The following ELMOD2 variants were observed in gnomAD, a reference collection of about 807,000 sequenced individuals.
ELMOD2 encodes ELMO domain containing 2.
ELMOD2 carries 28 observed loss-of-function variants against 41.0 expected under a neutral mutation model. That is an observed-to-expected ratio of 0.68 (90% CI 0.51 to 0.94). The LOEUF is 0.94. Among genes scored for constraint, ELMOD2 ranks in the 40% least tolerant of loss-of-function variants. ELMOD2 has a pLI of 0.00. For missense variants in ELMOD2, 333 were observed against 343.1 expected, an observed-to-expected ratio of 0.97 and a Z score of 0.23; for synonymous variants, 106 against 107.2, an observed-to-expected ratio of 0.99 and a Z score of 0.07.
intron 3 of ELMOD2, 99 bp from the exon 4 acceptor site, chr4:140,535,634 T>G (rs895631226): frequency 2.6e-6 from 3 of 1,145,342 alleles, no homozygotes; most frequent in Non-Finnish European, 3.8e-6. Flanking sequence ...TATTTTGCAT[T>G]TTTAATATCT....
intron 3 of ELMOD2, among the ~76,000 whole-genome samples, chr4:140,533,039 C>G (rs1020749275): frequency 6.6e-6 from 1 of 152,122 alleles, no homozygotes; most frequent in Non-Finnish European, 1.5e-5. Context: ...ATGAAAGATG[C>G]ATAAGACTTC....
Position 140,540,164 on chromosome 4 carries a change from A to T in ELMOD2, c.400-4A>T. 6.2e-7 allele frequency: 1 copy of T among 1,612,668 alleles called. No homozygotes were observed. The highest frequency in any genetic ancestry group is 8.5e-7 in the Non-Finnish European group (1 of 1,179,496). On this transcript the variant is annotated splice_region_variant and splice_polypyrimidine_tract_variant and intron_variant, in intron 5 of 8. Coordinates refer to ENST00000323570, the MANE Select transcript of ELMOD2 (RefSeq NM_153702.4). ...GTCTTAATAATGGAAATATATTTGT[A>T]CAGCTTTGGAATCTTCTAATGCCCA...
chr4:140,549,320 G>T (rs1177634086), intron 8 of ELMOD2, among the ~76,000 whole-genome samples: 1 of 151,208 alleles, frequency 6.6e-6, no homozygotes, highest in Non-Finnish European at 1.5e-5. Context: ...ATATTTTGAT[G>T]TTGGGTGGTT....
intron 8 of ELMOD2, among the ~76,000 whole-genome samples, chr4:140,545,837 C>G (rs1472128972): frequency 1.3e-5 from 2 of 152,078 alleles, no homozygotes; most frequent in Non-Finnish European, 2.9e-5. Context: ...CAGGAAACAA[C>G]AAGTGCTGGA....
intron 6 of ELMOD2, among the ~76,000 whole-genome samples, chr4:140,540,773 A>G (rs1735081490): frequency 1.3e-5 from 2 of 151,956 alleles, no homozygotes; most frequent in East Asian, 3.9e-4. Context: ...CATTGGTGGA[A>G]ATATAATTGT....
chr4:140,524,487 C>T (rs1467891025), intron 1 of ELMOD2: 7 of 614,008 alleles, frequency 1.1e-5, no homozygotes, highest in Admixed American at 6.3e-5. Context: ...TGCTCAGGCG[C>T]CGCTACGCGT....
At chr4:140,545,633 T>G (rs893678838) in intron 8 of ELMOD2, among the ~76,000 whole-genome samples, 1 of 152,248 alleles carries the variant, frequency 6.6e-6, no homozygotes, top group Middle Eastern at 3.4e-3. Flanking sequence ...TCTACCCAAG[T>G]GTACTGAAGA....
chr4:140,542,029 AATAG>A (rs1422776007), intron 6 of ELMOD2, among the ~76,000 whole-genome samples: 13 of 152,162 alleles, frequency 8.5e-5, no homozygotes, highest in Non-Finnish European at 1.6e-4. Flanking sequence ...TGTGCCTACA[AATAG>A]ATAGTTTCAT....
chr4:140,537,566 G>T (rs756008600), intron 5 of ELMOD2, 25 bp downstream of exon 5: 1 of 1,596,080 alleles, frequency 6.3e-7, no homozygotes, highest in Admixed American at 1.7e-5. Flanking sequence ...TCTTTATGTG[G>T]AGTTGTTGAA....
intron 6 of ELMOD2, among the ~76,000 whole-genome samples, chr4:140,542,213 G>T (rs187063256): frequency 1.1e-4 from 17 of 151,468 alleles, no homozygotes; most frequent in Admixed American, 3.3e-4. Flanking sequence ...ATGAACCTAA[G>T]TGTAAGGAAG....
Position 140,525,473 on chromosome 4 carries a change from A to T in ELMOD2, c.45A>T (p.Arg15=), listed in dbSNP as rs1053923229. The T allele has an allele frequency of 1.5e-5, 25 of 1,613,474 alleles. No individual in the cohort carries two copies. The highest frequency in any genetic ancestry group is 2.1e-5 in the Non-Finnish European group (25 of 1,179,774). ...LWEFFYGHFF[R]FWMKWLLRQM... is the part of the protein sequence containing the mutation. ...AGTTCTTCTATGGGCACTTTTTTCG[A>T]TTTTGGATGAAATGGCTATTACGAC... Residue 15 remains arginine (R), a synonymous_variant, in exon 2 of 9, where the codon CGA becomes CGT. Transcript: ENST00000323570.
intron 8 of ELMOD2, among the ~76,000 whole-genome samples, chr4:140,547,436 T>G (rs540982287): frequency 1.3e-5 from 2 of 152,262 alleles, no homozygotes; most frequent in Admixed American, 6.5e-5. Flanking sequence ...CTCAGGATTT[T>G]GGGACCTCTG....
At position 140,540,251 on chromosome 4, in the gene ELMOD2, T is replaced by A; in HGVS notation, c.483T>A (p.Asp161Glu). ...CTGAAATTGGTTTTCAGGGTGATGATCCCAAGACAGACTTCAGAGGCATGG... is the reference window on the plus strand; with the variant it reads ...CTGAAATTGGTTTTCAGGGTGATGAACCCAAGACAGACTTCAGAGGCATGG... The part of the protein sequence containing the change: ...QWAEIGFQGD[D>E]PKTDFRGMGI... Residue 161 changes from aspartate (D) to glutamate (E), a missense_variant, in exon 6 of 9, where the codon GAT (aspartate) becomes GAA (glutamate). Asp to Glu is a conservative substitution (Grantham distance 45). Transcript: ENST00000323570. 3 of 1,614,156 alleles carry A rather than the reference T, an allele frequency of 1.9e-6. No individual in the cohort carries two copies. Among genetic ancestry groups the A allele is most frequent in the Non-Finnish European group, 2.5e-6 (3 of 1,180,020 alleles).
intron 8 of ELMOD2, among the ~76,000 whole-genome samples, chr4:140,546,780 C>T (rs984445771): frequency 1.3e-5 from 2 of 151,916 alleles, no homozygotes; most frequent in Admixed American, 1.3e-4. Flanking sequence ...TGCTCTCCAG[C>T]ACCCTGACAC....
intron 8 of ELMOD2, among the ~76,000 whole-genome samples, chr4:140,546,251 T>A (rs1375116700): frequency 1.3e-5 from 2 of 151,808 alleles, no homozygotes; most frequent in Non-Finnish European, 2.9e-5. Flanking sequence ...AAACCAAACA[T>A]TGCATGTTAT....
chr4:140,541,353 A>G (rs536938822), intron 6 of ELMOD2, among the ~76,000 whole-genome samples: 1 of 152,184 alleles, frequency 6.6e-6, no homozygotes, highest in South Asian at 2.1e-4. Flanking sequence ...ACAGATGTTT[A>G]TTTTTCACCA....
At chr4:140,527,835 A>G (rs1234374424) in intron 3 of ELMOD2, 2 of 210,434 alleles carry the variant, frequency 9.5e-6, no homozygotes, top group South Asian at 1.4e-4. Context: ...GCAACTTAGG[A>G]TAGAGAAAAC....
chr4:140,532,280 TCA>T (rs1278118111), intron 3 of ELMOD2, among the ~76,000 whole-genome samples: 3 of 149,134 alleles, frequency 2.0e-5, no homozygotes, highest in Non-Finnish European at 4.4e-5. Flanking sequence ...TTCTCTCACC[TCA>T]GTCTTTCTCG....
intron 8 of ELMOD2, among the ~76,000 whole-genome samples, chr4:140,549,831 G>A (rs530704273): frequency 5.3e-5 from 8 of 151,476 alleles, no homozygotes; most frequent in South Asian, 2.1e-4. Flanking sequence ...GACAATAGGC[G>A]CATGCCACCA....
Sources: gnomAD v4.1 joint callset for allele counts (sites outside exome capture counted in the v4.1 genomes callset) on GRCh38, gnomAD v4.1.1 for gene constraint, MANE v1.5 for transcripts, NCBI Gene and HGNC (gene_info 2026-07-23, HGNC 2026-07-21) for gene names.